Variants in NAALADL2 observed in about 807,000 individuals in gnomAD.
The protein encoded by NAALADL2 is N-acetylated alpha-linked acidic dipeptidase like 2.
NAALADL2 carries 76 observed loss-of-function variants against 87.2 expected under a neutral mutation model. That is an observed-to-expected ratio of 0.87 (90% CI 0.72 to 1.05). NAALADL2 has a LOEUF of 1.05. NAALADL2 is among the 50% of genes least tolerant of loss of function. The pLI, the probability that NAALADL2 is intolerant of heterozygous loss-of-function variation, is 0.00. For missense variants in NAALADL2, 1,089 were observed against 945.8 expected, an observed-to-expected ratio of 1.15 and a Z score of -1.99; for synonymous variants, 354 against 331.0, an observed-to-expected ratio of 1.07 and a Z score of -0.75.
chr3:175,725,577 T>G (rs1386065792), intron 11 of NAALADL2, among the ~76,000 whole-genome samples: 1 of 152,114 alleles, frequency 6.6e-6, no homozygotes, highest in African/African-American at 2.4e-5. Context: ...ATGTTCACAT[T>G]TGGTAAATAT....
At chr3:174,974,612 A>G (rs1744119342) in intron 1 of NAALADL2, among the ~76,000 whole-genome samples, 1 of 152,224 alleles carries the variant, frequency 6.6e-6, no homozygotes, top group African/African-American at 2.4e-5. Context: ...CCTAGAATGT[A>G]TGCTACTACA....
At chr3:174,718,931 C>A (rs1017142664) in intron 2 of NAALADL2, among the ~76,000 whole-genome samples, 1 of 152,086 alleles carries the variant, frequency 6.6e-6, no homozygotes. Flanking sequence ...AAAATGCAGT[C>A]TTTTTTCCTT....
At chr3:175,124,476 G>A (rs1726630914) in intron 2 of NAALADL2, 1 of 151,896 alleles carries the variant, frequency 6.6e-6, no homozygotes, top group African/African-American at 2.4e-5. Flanking sequence ...GAGAGGAAAG[G>A]CAACTGTAGC....
chr3:175,136,901 ACT>A (rs1363006389), intron 2 of NAALADL2, among the ~76,000 whole-genome samples: 3 of 152,164 alleles, frequency 2.0e-5, no homozygotes, highest in African/African-American at 7.2e-5. Context: ...TTTAAAAATA[ACT>A]CTTGGCAAGC....
chr3:174,993,972 A>G (rs1747086158), intron 1 of NAALADL2, among the ~76,000 whole-genome samples: 1 of 152,142 alleles, frequency 6.6e-6, no homozygotes, highest in Middle Eastern at 3.4e-3. Context: ...CTATGTCCCA[A>G]TTTCTCTCTT....
intron 3 of NAALADL2, among the ~76,000 whole-genome samples, chr3:175,237,171 C>T (rs1560209235): frequency 2.0e-5 from 3 of 152,004 alleles, no homozygotes; most frequent in Admixed American, 6.6e-5. Flanking sequence ...TCTATAGCTT[C>T]AACCTTCTTA....
In NAALADL2 at chr3:175,005,403, A is replaced by T. The variant is rs533622737; in HGVS notation, c.44-91387A>T. On this transcript the variant is annotated intron_variant, in intron 1 of 13. Transcript: ENST00000454872. ...CATACTGCTGACTACACTTTATAAT[A>T]ACCTATTTTTATTTTTACTTTCAAT... 1.9e-4 allele frequency among the ~76,000 whole-genome samples: 29 copies of T among 152,266 alleles called. No individual in the cohort carries two copies. The South Asian group carries it at 5.8e-3, about 30-fold the overall frequency.
chr3:174,462,022 CTT>C (rs1716245842), intron 1 of NAALADL2, among the ~76,000 whole-genome samples: 1 of 151,726 alleles, frequency 6.6e-6, no homozygotes, highest in African/African-American at 2.4e-5. Context: ...AGGAATTTGT[CTT>C]ATAATAAGAT....
At chr3:175,031,407 A>C (rs1752784273) in intron 1 of NAALADL2, among the ~76,000 whole-genome samples, 1 of 152,026 alleles carries the variant, frequency 6.6e-6, no homozygotes, top group South Asian at 2.1e-4. Context: ...ACTTAGGATA[A>C]TGGCCTTCGC....
chr3:175,056,155 G>A (rs112674161), intron 1 of NAALADL2, among the ~76,000 whole-genome samples: 30,559 of 151,944 alleles, frequency 0.2, 3,759 homozygotes, highest in African/African-American at 0.34. Flanking sequence ...GGGTCCGGCC[G>A]CTCTTTTTCT....
At chr3:174,767,193 T>C (rs1283089042) in intron 3 of NAALADL2, among the ~76,000 whole-genome samples, 2 of 152,180 alleles carry the variant, frequency 1.3e-5, no homozygotes, top group African/African-American at 4.8e-5. Context: ...TTACAACTAA[T>C]ATAATTAACA....
chr3:175,330,653 A>G (rs1761288663), intron 5 of NAALADL2, among the ~76,000 whole-genome samples: 1 of 152,170 alleles, frequency 6.6e-6, no homozygotes, highest in Admixed American at 6.5e-5. Context: ...GATATAGCAA[A>G]AGCAGTGCTA....
At chr3:174,658,526 C>T (rs1313214676) in intron 2 of NAALADL2, among the ~76,000 whole-genome samples, 1 of 152,002 alleles carries the variant, frequency 6.6e-6, no homozygotes, top group Non-Finnish European at 1.5e-5. Context: ...TTTTTCCAGA[C>T]ATGTCTTTTT....
chr3:175,536,855 G>T (rs1188664171), intron 9 of NAALADL2, among the ~76,000 whole-genome samples: 1 of 152,102 alleles, frequency 6.6e-6, no homozygotes, highest in Non-Finnish European at 1.5e-5. Flanking sequence ...GGTGGCGGGC[G>T]CCTGTAGTCC....
intron 5 of NAALADL2, among the ~76,000 whole-genome samples, chr3:175,341,202 T>C (rs557430333): frequency 6.6e-6 from 1 of 152,262 alleles, no homozygotes; most frequent in African/African-American, 2.4e-5. Context: ...TAATCACTGC[T>C]TTCTATAAAT....
At chr3:175,465,511 A>T (rs565099548) in intron 7 of NAALADL2, among the ~76,000 whole-genome samples, 6 of 122,274 alleles carry the variant, frequency 4.9e-5, no homozygotes, top group Non-Finnish European at 9.4e-5. Context: ...GTCTTGCTCT[A>T]TCACGGGGCT....
chr3:174,505,052 C>A (rs1330968513), intron 1 of NAALADL2, among the ~76,000 whole-genome samples: 1 of 152,256 alleles, frequency 6.6e-6, no homozygotes, highest in African/African-American at 2.4e-5. Flanking sequence ...TTTTAAAAAA[C>A]TTAAAATATA....
At chr3:175,481,064 A>AT (rs1352489319) in intron 9 of NAALADL2, among the ~76,000 whole-genome samples, 3 of 151,816 alleles carry the variant, frequency 2.0e-5, no homozygotes, top group African/African-American at 7.2e-5. Flanking sequence ...GCGATCTGTA[A>AT]TTTTTTCCTT....
chr3:174,788,459 A>G (rs1717066092), intron 3 of NAALADL2, among the ~76,000 whole-genome samples: 1 of 152,186 alleles, frequency 6.6e-6, no homozygotes, highest in Non-Finnish European at 1.5e-5. Flanking sequence ...GGGGTCAACC[A>G]GTTTGGTTTC....
Sources: gnomAD v4.1 joint callset for allele counts (sites outside exome capture counted in the v4.1 genomes callset) on GRCh38, gnomAD v4.1.1 for gene constraint, MANE v1.5 for transcripts, NCBI Gene and HGNC (gene_info 2026-07-23, HGNC 2026-07-21) for gene names.